PDE1A: variants seen among roughly 807,000 people sequenced by gnomAD.
The protein encoded by PDE1A is dual specificity calcium/calmodulin-dependent 3',5'-cyclic nucleotide phosphodiesterase 1A.
In PDE1A, 35 loss-of-function variants were observed where a neutral mutation model predicts 61.7. The observed-to-expected ratio is 0.57, with a 90% confidence interval of 0.43 to 0.75. PDE1A has a LOEUF of 0.75. Among genes scored for constraint, PDE1A ranks in the 30% least tolerant of loss-of-function variants. PDE1A has a pLI of 0.00. For missense variants in PDE1A, 597 were observed against 630.6 expected (o/e 0.95, Z 0.57); for synonymous variants, 232 against 213.2 (o/e 1.09, Z -0.77).
At chr2:182,346,265 C>T (rs1698513452) in intron 1 of PDE1A, among the ~76,000 whole-genome samples, 1 of 152,028 alleles carries the variant, frequency 6.6e-6, no homozygotes. Flanking sequence ...GGAAATTAAT[C>T]TTAAATTTTA....
At chr2:182,419,939 TTCTAGCC>T (rs1334573727) in intron 1 of PDE1A, among the ~76,000 whole-genome samples, 1 of 152,004 alleles carries the variant, frequency 6.6e-6, no homozygotes, top group Non-Finnish European at 1.5e-5. Flanking sequence ...TCAGTATTGA[TTCTAGCC>T]TCAGGGATCT....
At chr2:182,177,624 C>A (rs1008967165) in intron 13 of PDE1A, among the ~76,000 whole-genome samples, 11 of 152,010 alleles carry the variant, frequency 7.2e-5, no homozygotes, top group Non-Finnish European at 1.2e-4. Context: ...GTCTATATAT[C>A]TGTTTTGGTA....
At chr2:182,558,043 C>A in the PDE1A span, among the ~76,000 whole-genome samples, 2 of 152,104 alleles carry the variant, frequency 1.3e-5, no homozygotes, top group Non-Finnish European at 2.9e-5. Flanking sequence ...GTAATCCATT[C>A]TTCTCCTAAC....
the PDE1A span, among the ~76,000 whole-genome samples, chr2:182,540,383 AAAGCAGC>A: frequency 3.4e-4 from 25 of 72,828 alleles, no homozygotes; most frequent in African/African-American, 9.5e-4. Context: ...AAAAAAAAAA[AAAGCAGC>A]AGCAGCAGCA....
At chr2:182,225,328 T>C (rs967351692) in intron 6 of PDE1A, among the ~76,000 whole-genome samples, 2 of 151,880 alleles carry the variant, frequency 1.3e-5, no homozygotes, top group Non-Finnish European at 2.9e-5. Flanking sequence ...AATTGATGAA[T>C]TTAAATTTTG....
intron 2 of PDE1A, among the ~76,000 whole-genome samples, chr2:182,472,293 A>C (rs1369190801): frequency 6.6e-6 from 1 of 151,948 alleles, no homozygotes; most frequent in Non-Finnish European, 1.5e-5. Context: ...CAAAAGCAAA[A>C]TATGAAATCA....
At chr2:182,638,599 T>C in the PDE1A span, among the ~76,000 whole-genome samples, 1 of 152,166 alleles carries the variant, frequency 6.6e-6, no homozygotes, top group South Asian at 2.1e-4. Context: ...CTCCTGAATG[T>C]CACACAAAGG....
intron 1 of PDE1A, among the ~76,000 whole-genome samples, chr2:182,417,507 A>G (rs1702993428): frequency 6.6e-6 from 1 of 152,184 alleles, no homozygotes; most frequent in Admixed American, 6.5e-5. Flanking sequence ...GTTGCTTTGA[A>G]GTTCATGGTA....
Position 182,455,748 on chromosome 2 carries a change from G to A in PDE1A, c.101+66528C>T, listed in dbSNP as rs562044803. On this transcript the variant is annotated intron_variant, in intron 2 of 14. Coordinates refer to the PDE1A transcript ENST00000410103. ...CAGGAAGGGGAACATCACACTCTGG[G>A]GACTGTTGTGGGTGGGGGAATGGGG... 7.9e-5 allele frequency among the ~76,000 whole-genome samples: 12 copies of A among 152,088 alleles called. 1 individual carries two copies. The highest frequency in any genetic ancestry group is 2.9e-4 in the African/African-American group (12 of 41,502).
intron 1 of PDE1A, among the ~76,000 whole-genome samples, chr2:182,417,040 G>C (rs369245961): frequency 6.6e-6 from 1 of 152,128 alleles, no homozygotes; most frequent in Non-Finnish European, 1.5e-5. Context: ...ACACAGTCAC[G>C]CAATAGACAC....
At chr2:182,339,983 A>C (rs1204292900) in intron 1 of PDE1A, among the ~76,000 whole-genome samples, 3 of 152,192 alleles carry the variant, frequency 2.0e-5, no homozygotes, top group African/African-American at 7.2e-5. Flanking sequence ...CCTCAGAATA[A>C]TCCTGATAAA....
intron 2 of PDE1A, among the ~76,000 whole-genome samples, chr2:182,513,993 G>C (rs1276353581): frequency 6.6e-6 from 1 of 152,070 alleles, no homozygotes; most frequent in Non-Finnish European, 1.5e-5. Flanking sequence ...TACAATAATA[G>C]TGTAAGACTG....
intron 1 of PDE1A, among the ~76,000 whole-genome samples, chr2:182,324,071 T>G (rs571389416): frequency 6.6e-6 from 1 of 152,190 alleles, no homozygotes; most frequent in East Asian, 1.9e-4. Flanking sequence ...GTGCTATTAA[T>G]TTTTACTGTT....
intron 1 of PDE1A, among the ~76,000 whole-genome samples, chr2:182,390,230 A>T (rs1027437198): frequency 1.3e-5 from 2 of 152,020 alleles, no homozygotes; most frequent in African/African-American, 4.8e-5. Flanking sequence ...TTAAGGATGG[A>T]TTTCTTTAGT....
chr2:182,336,909 A>G (rs1273635565), intron 1 of PDE1A, among the ~76,000 whole-genome samples: 2 of 151,386 alleles, frequency 1.3e-5, no homozygotes, highest in Non-Finnish European at 2.9e-5. Flanking sequence ...GCAAACCACC[A>G]TGGCACACAT....
At chr2:182,604,395 C>T in the PDE1A span, among the ~76,000 whole-genome samples, 1 of 152,100 alleles carries the variant, frequency 6.6e-6, no homozygotes, top group East Asian at 1.9e-4. Context: ...GCTTAGAATA[C>T]TAACCGAATG....
At chr2:182,414,876 A>G (rs1288403433) in intron 1 of PDE1A, among the ~76,000 whole-genome samples, 1 of 152,178 alleles carries the variant, frequency 6.6e-6, no homozygotes, top group African/African-American at 2.4e-5. Context: ...TAGCAGCTCA[A>G]ATTCTACATC....
chr2:182,271,118 A>G (rs1231652382), intron 1 of PDE1A, among the ~76,000 whole-genome samples: 2 of 151,426 alleles, frequency 1.3e-5, no homozygotes, highest in Non-Finnish European at 2.9e-5. Flanking sequence ...TGAGGACTAC[A>G]CTTAATAATA....
chr2:182,144,373 T>A (rs529439369), downstream of PDE1A, among the ~76,000 whole-genome samples: 30 of 152,348 alleles, frequency 2.0e-4, no homozygotes, highest in African/African-American at 7.2e-4. Flanking sequence ...TCCATTTTAT[T>A]TCCTTTAATA....
Sources: allele counts gnomAD v4.1 joint callset (sites outside exome capture counted in the v4.1 genomes callset), GRCh38; gene constraint gnomAD v4.1.1; transcripts MANE v1.5; gene names NCBI Gene and HGNC (gene_info 2026-07-23, HGNC 2026-07-21).